The following FRS2 variants were observed in gnomAD, a reference collection of about 807,000 sequenced individuals.
FRS2 encodes FGFR signalling adaptor.
FRS2 carries 8 observed loss-of-function variants against 43.9 expected under a neutral mutation model. That is an observed-to-expected ratio of 0.18 (90% CI 0.11 to 0.33). The LOEUF (loss-of-function observed/expected upper bound fraction) is 0.33, where lower values mean the gene tolerates loss of function less well. FRS2 is among the 10% of genes least tolerant of loss of function. FRS2 has a pLI of 1.00. For synonymous variants in FRS2, 219 were observed against 220.3 expected, an observed-to-expected ratio of 0.99 and a Z score of 0.05; for missense variants, 534 against 627.6, an observed-to-expected ratio of 0.85 and a Z score of 1.59.
At chr12:69,554,428 G>C (rs754607831) in intron 3 of FRS2, among the ~76,000 whole-genome samples, 2 of 152,094 alleles carry the variant, frequency 1.3e-5, no homozygotes, top group Non-Finnish European at 2.9e-5. Context: ...ATCCTCTCAA[G>C]TTTGCTACTG....
chr12:69,479,216 A>T (rs1338338550), intron 1 of FRS2, among the ~76,000 whole-genome samples: 1 of 152,024 alleles, frequency 6.6e-6, no homozygotes. Flanking sequence ...TTTTGTTGGA[A>T]AATAACTTTT....
intron 1 of FRS2, among the ~76,000 whole-genome samples, chr12:69,503,741 A>G (rs1415385466): frequency 3.3e-5 from 5 of 152,172 alleles, no homozygotes; most frequent in African/African-American, 9.7e-5. Flanking sequence ...GCTAGGAGTA[A>G]GATGGGGAAT....
At chr12:69,570,585 A>G (rs1444652576) in intron 6 of FRS2, 68 bp downstream of exon 6, 2 of 897,358 alleles carry the variant, frequency 2.2e-6, no homozygotes, top group Non-Finnish European at 3.5e-6. Context: ...CTGTATACAA[A>G]GATTAAATTA....
chr12:69,537,231 C>T (rs1232391149), intron 3 of FRS2, among the ~76,000 whole-genome samples: 4 of 152,100 alleles, frequency 2.6e-5, no homozygotes, highest in Non-Finnish European at 5.9e-5. Context: ...GAATTTTAGA[C>T]AAATTACTGT....
intron 1 of FRS2, among the ~76,000 whole-genome samples, chr12:69,475,208 C>T (rs1387310655): frequency 6.6e-6 from 1 of 152,050 alleles, no homozygotes; most frequent in Non-Finnish European, 1.5e-5. Flanking sequence ...TTTTTGAGGG[C>T]AAGTTTATTA....
chr12:69,503,008 C>T (rs1351817925), intron 1 of FRS2, among the ~76,000 whole-genome samples: 1 of 152,208 alleles, frequency 6.6e-6, no homozygotes, highest in East Asian at 1.9e-4. Flanking sequence ...AATCTGGATA[C>T]ATGTGGCTAG....
At chr12:69,522,552 G>T (rs973725013) in intron 1 of FRS2, among the ~76,000 whole-genome samples, 1 of 151,956 alleles carries the variant, frequency 6.6e-6, no homozygotes, top group Non-Finnish European at 1.5e-5. Flanking sequence ...CAACTCCTGG[G>T]TGTATTGATC....
chr12:69,501,696 C>T (rs1873456610), intron 1 of FRS2, among the ~76,000 whole-genome samples: 1 of 152,110 alleles, frequency 6.6e-6, no homozygotes, highest in Admixed American at 6.5e-5. Flanking sequence ...TTTCTTCAAG[C>T]ATATCAGGAT....
chr12:69,552,781 A>G (rs149712953), intron 3 of FRS2, among the ~76,000 whole-genome samples: 2,691 of 152,126 alleles, frequency 0.018, 84 homozygotes, highest in African/African-American at 0.06. Flanking sequence ...AATTCCAGCT[A>G]CTTGAGAGGC....
chr12:69,506,626 G>A (rs576782356), intron 1 of FRS2, among the ~76,000 whole-genome samples: 2 of 151,716 alleles, frequency 1.3e-5, no homozygotes, highest in African/African-American at 2.4e-5. Flanking sequence ...GATCCAGTTC[G>A]GTGTCTACTT....
chr12:69,552,302 C>CAAAAAAAAAAAA (rs35353764), intron 3 of FRS2, among the ~76,000 whole-genome samples: 1 of 51,362 alleles, frequency 1.9e-5, no homozygotes, highest in Admixed American at 3.0e-4. Flanking sequence ...AACTCCGTCT[C>CAAAAAAAAAAAA]AAAAAAAAAA....
intron 4 of FRS2, 103 bp downstream of exon 4, chr12:69,562,377 C>G: frequency 2.6e-6 from 1 of 389,590 alleles, no homozygotes; most frequent in East Asian, 3.6e-5. Flanking sequence ...GTTGCCCAGG[C>G]GGTTTCTAAC....
chr12:69,573,764 G>C (rs971372126), intron 8 of FRS2, among the ~76,000 whole-genome samples: 2 of 152,162 alleles, frequency 1.3e-5, no homozygotes, highest in Non-Finnish European at 2.9e-5. Context: ...CGCCCAGCCT[G>C]CGTGTTATTT....
intron 1 of FRS2, among the ~76,000 whole-genome samples, chr12:69,477,438 A>G (rs1027873208): frequency 4.0e-5 from 6 of 151,436 alleles, no homozygotes; most frequent in Admixed American, 1.3e-4. Flanking sequence ...GCCCGCCAAC[A>G]CGCCTGGCTA....
At chr12:69,498,106 T>C (rs1354183169) in intron 1 of FRS2, among the ~76,000 whole-genome samples, 2 of 152,228 alleles carry the variant, frequency 1.3e-5, no homozygotes, top group African/African-American at 4.8e-5. Flanking sequence ...ACTAAAGTGC[T>C]ATTTTTCTGA....
At chr12:69,493,055 A>G (rs1872603432) in intron 1 of FRS2, among the ~76,000 whole-genome samples, 1 of 152,254 alleles carries the variant, frequency 6.6e-6, no homozygotes, top group Non-Finnish European at 1.5e-5. Context: ...GATACCAAGC[A>G]AAACAGAGAG....
intron 1 of FRS2, among the ~76,000 whole-genome samples, chr12:69,518,713 TAAAA>T (rs71094718): frequency 0.19 from 27,341 of 143,458 alleles, 2,721 homozygotes; most frequent in Middle Eastern, 0.3. Flanking sequence ...AACCCTGTCT[TAAAA>T]AAAAAAAAAG....
intron 1 of FRS2, among the ~76,000 whole-genome samples, chr12:69,505,915 C>T (rs1323507885): frequency 6.6e-6 from 1 of 152,126 alleles, no homozygotes; most frequent in Non-Finnish European, 1.5e-5. Context: ...GTTATTTTCA[C>T]CTTTGGTTGA....
At chr12:69,483,616 A>G (rs1434761644) in intron 1 of FRS2, among the ~76,000 whole-genome samples, 2 of 152,002 alleles carry the variant, frequency 1.3e-5, no homozygotes, top group Non-Finnish European at 2.9e-5. Flanking sequence ...TACTTTTTAC[A>G]AACTTTATAT....
Sources: allele counts gnomAD v4.1 joint callset (sites outside exome capture counted in the v4.1 genomes callset), GRCh38; gene constraint gnomAD v4.1.1; transcripts MANE v1.5; gene names NCBI Gene and HGNC (gene_info 2026-07-23, HGNC 2026-07-21).